The following SPATA17 variants were observed in gnomAD, a reference collection of about 807,000 sequenced individuals.
The protein encoded by SPATA17 is spermatogenesis associated 17, also known as spermatogenesis-associated protein 17.
SPATA17 carries 53 observed loss-of-function variants against 62.2 expected under a neutral mutation model. That is an observed-to-expected ratio of 0.85 (90% confidence interval 0.68 to 1.07). SPATA17 has a LOEUF of 1.07. Among genes scored for constraint, SPATA17 ranks in the 50% least tolerant of loss-of-function variants. The probability of loss-of-function intolerance (pLI) is 0.00; values close to 1 mark genes in which losing one functional copy is unlikely to be tolerated. For synonymous variants in SPATA17, 146 were observed against 146.8 expected (o/e 0.99, Z 0.04); for missense variants, 466 against 425.5 (o/e 1.10, Z -0.84).
At chr1:217,669,648 A>G (rs1039517965) in intron 4 of SPATA17, among the ~76,000 whole-genome samples, 1 of 152,192 alleles carries the variant, frequency 6.6e-6, no homozygotes, top group Non-Finnish European at 1.5e-5. Flanking sequence ...CTTTTGTTTC[A>G]GACAATATGA....
At chr1:217,753,857 A>G (rs2102957646) in intron 6 of SPATA17, among the ~76,000 whole-genome samples, 1 of 152,252 alleles carries the variant, frequency 6.6e-6, no homozygotes, top group East Asian at 1.9e-4. Context: ...AGAACACCAT[A>G]TTTTAAATTG....
intron 7 of SPATA17, among the ~76,000 whole-genome samples, chr1:217,780,203 G>A (rs901656599): frequency 2.6e-5 from 4 of 152,068 alleles, no homozygotes; most frequent in African/African-American, 9.7e-5. Context: ...ATCCAAAAAA[G>A]GCAGTTTTTC....
chr1:217,704,048 G>T (rs982709122), intron 5 of SPATA17, among the ~76,000 whole-genome samples: 16 of 150,774 alleles, frequency 1.1e-4, no homozygotes, highest in Non-Finnish European at 1.6e-4. Flanking sequence ...AACATTTTTT[G>T]TTGTTGTTGT....
intron 5 of SPATA17, among the ~76,000 whole-genome samples, chr1:217,706,272 T>C (rs567418679): frequency 6.4e-4 from 98 of 152,340 alleles, no homozygotes; most frequent in African/African-American, 2.3e-3. Context: ...AGGAATAGCA[T>C]TGAGCCTGTA....
intron 9 of SPATA17, among the ~76,000 whole-genome samples, chr1:217,844,352 A>C (rs1018105484): frequency 6.6e-6 from 1 of 152,132 alleles, no homozygotes; most frequent in Non-Finnish European, 1.5e-5. Context: ...TGCCAGTTGC[A>C]TAAAGAATTC....
At chr1:217,786,765 CTTCT>C (rs1558050818) in intron 8 of SPATA17, among the ~76,000 whole-genome samples, 12,322 of 146,698 alleles carry the variant, frequency 0.084, 666 homozygotes, top group East Asian at 0.24. Context: ...TCTTCTTCTT[CTTCT>C]TCTTCTTCTT....
chr1:217,818,908 T>C (rs1369850994), intron 9 of SPATA17, among the ~76,000 whole-genome samples: 12 of 150,916 alleles, frequency 8.0e-5, no homozygotes, highest in Non-Finnish European at 1.8e-4. Flanking sequence ...GGCTTTCTTT[T>C]AAATTTGTAT....
intron 5 of SPATA17, among the ~76,000 whole-genome samples, chr1:217,714,264 G>A (rs1403285917): frequency 6.6e-6 from 1 of 151,582 alleles, no homozygotes; most frequent in Admixed American, 6.6e-5. Flanking sequence ...TGGCAGGCGC[G>A]TGTAATCCCA....
Position 217,774,384 on chromosome 1 carries a change from G to A in SPATA17, c.570G>A (p.Glu190=). 6.2e-7 allele frequency: 1 copy of A among 1,613,996 alleles called. No homozygotes were observed. The highest frequency in any genetic ancestry group is 8.5e-7 in the Non-Finnish European group (1 of 1,179,912). The stretch of plus-strand genomic sequence containing the variant: ...TCAGAAAAGAGCCTGATCCATGGGA[G>A]CTGCAATTACAGAAGGCAAAGCCTT... ...SPFRKEPDPW[E]LQLQKAKPLT... Residue 190 remains glutamate, a synonymous_variant, in exon 7 of 11, where the codon GAG becomes GAA. Coordinates refer to ENST00000366933, the MANE Select transcript of SPATA17 (RefSeq NM_138796.4).
chr1:217,794,435 G>T (rs1242751706), intron 8 of SPATA17, among the ~76,000 whole-genome samples: 2 of 152,084 alleles, frequency 1.3e-5, no homozygotes, highest in African/African-American at 4.8e-5. Context: ...TCTTGTCAGG[G>T]ACCTTAAAAT....
chr1:217,798,881 T>C (rs1674223337), intron 8 of SPATA17, among the ~76,000 whole-genome samples: 3 of 151,654 alleles, frequency 2.0e-5, no homozygotes, highest in South Asian at 4.1e-4. Flanking sequence ...TGTCTTTTTT[T>C]TTTTTTTTTT....
At chr1:217,777,202 C>T (rs11117929) in intron 7 of SPATA17, among the ~76,000 whole-genome samples, 42,220 of 151,900 alleles carry the variant, frequency 0.28, 6,303 homozygotes, top group East Asian at 0.52. Flanking sequence ...TCTATAATTA[C>T]GTCCTTAATT....
At chr1:217,820,133 A>T (rs985094209) in intron 9 of SPATA17, among the ~76,000 whole-genome samples, 2 of 152,006 alleles carry the variant, frequency 1.3e-5, no homozygotes, top group Non-Finnish European at 2.9e-5. Context: ...TGAAGTTGAG[A>T]GAATAAGGAA....
chr1:217,856,377 A>G (rs1341191586), intron 9 of SPATA17, among the ~76,000 whole-genome samples: 2 of 152,222 alleles, frequency 1.3e-5, no homozygotes, highest in Non-Finnish European at 2.9e-5. Context: ...GCAGAGGCTA[A>G]ATAACTTTTC....
At chr1:217,765,671 G>A (rs1187981885) in intron 6 of SPATA17, among the ~76,000 whole-genome samples, 1 of 151,794 alleles carries the variant, frequency 6.6e-6, no homozygotes, top group East Asian at 1.9e-4. Context: ...GTGTTTTATG[G>A]CCCAGGATGA....
At chr1:217,700,206 G>A (rs558593234) in intron 5 of SPATA17, among the ~76,000 whole-genome samples, 2 of 152,062 alleles carry the variant, frequency 1.3e-5, no homozygotes, top group East Asian at 1.9e-4. Flanking sequence ...ACACTTGGCT[G>A]GAATTTTGTT....
chr1:217,818,548 TA>T (rs1674778629), intron 9 of SPATA17, among the ~76,000 whole-genome samples: 1 of 151,964 alleles, frequency 6.6e-6, no homozygotes, highest in South Asian at 2.1e-4. Flanking sequence ...TAAATGTATC[TA>T]AATATAGAAA....
rs967084163 is a variant in SPATA17, at chr1:217,856,218, T to C, written c.1006-6556T>C. Among the ~76,000 whole-genome samples the C allele has an allele frequency of 4.6e-5, 7 of 152,208 alleles. 1 individual carries two copies. The highest frequency in any genetic ancestry group is 1.4e-4 in the African/African-American group (6 of 41,460). ...TTATTCATCTACAGTTTTTTAAAAG[T>C]GTATTTGAGTTTCTTAGTTAGAGAA... On this transcript the variant is annotated intron_variant, in intron 9 of 10. Transcript: ENST00000366933.
intron 5 of SPATA17, among the ~76,000 whole-genome samples, chr1:217,716,899 T>A (rs1672017216): frequency 6.6e-6 from 1 of 152,212 alleles, no homozygotes. Context: ...ACAAACCCCC[T>A]TTTGGGATGT....
Sources: allele counts gnomAD v4.1 joint callset (sites outside exome capture counted in the v4.1 genomes callset), GRCh38; gene constraint gnomAD v4.1.1; transcripts MANE v1.5; gene names NCBI Gene and HGNC (gene_info 2026-07-23, HGNC 2026-07-21).